Variants in ACOX2 observed in about 807,000 individuals in gnomAD.
The protein encoded by ACOX2 is peroxisomal acyl-coenzyme A oxidase 2.
In ACOX2, 59 loss-of-function variants were observed where a neutral mutation model predicts 77.5. That is an observed-to-expected ratio of 0.76 (90% CI 0.62 to 0.95). The LOEUF is 0.95. Among genes scored for constraint, ACOX2 ranks in the 40% least tolerant of loss-of-function variants. The pLI, the probability that ACOX2 is intolerant of heterozygous loss-of-function variation, is 0.00. For synonymous variants in ACOX2, 317 were observed against 340.1 expected (o/e 0.93, Z 0.75); for missense variants, 837 against 880.4 (o/e 0.95, Z 0.62).
chr3:58,535,013 CA>C lies in ACOX2; in HGVS notation c.93del (p.Phe31LeufsTer41), dbSNP rs750773651. The C allele has an allele frequency of 4.3e-6, 7 of 1,614,234 alleles. No homozygotes were observed. Among genetic ancestry groups the C allele is most frequent in the Non-Finnish European group, 5.1e-6 (6 of 1,180,038 alleles). ...AGGATGTTGGTGAGCCGTTCCACGTCAAAGGACTGCATATACCTCTCGCTCT... is the reference window on the plus strand; with the variant it reads ...AGGATGTTGGTGAGCCGTTCCACGTCAAGGACTGCATATACCTCTCGCTCT... The part of the protein sequence containing the change: ...DIESERYMQS[F>X]DVERLTNILD... On this transcript the variant is annotated frameshift_variant, in exon 2 of 15. Coordinates refer to ENST00000302819, the MANE Select transcript of ACOX2 (RefSeq NM_003500.4). LOFTEE classifies it high-confidence loss of function. This position sits in a 1 kb window ranked among gnomAD's most constrained non-coding sequence, Gnocchi z 4.8.
At chr3:58,529,839 G>A (rs4681690) in intron 8 of ACOX2, among the ~76,000 whole-genome samples, 1 of 152,046 alleles carries the variant, frequency 6.6e-6, no homozygotes, top group Non-Finnish European at 1.5e-5. Flanking sequence ...GAAGCTGAGG[G>A]ATGAAGTGAA....
chr3:58,518,133 C>G (rs1030789994), intron 12 of ACOX2, among the ~76,000 whole-genome samples: 17 of 148,482 alleles, frequency 1.1e-4, no homozygotes, highest in African/African-American at 4.2e-4. Flanking sequence ...TTGTTGTCTG[C>G]TGTGTTCAAG....
rs2063437478 is a variant in ACOX2, at chr3:58,531,303, T to G, written c.767A>C (p.Gln256Pro). 6.2e-7 allele frequency: 1 copy of G among 1,613,672 alleles called. No homozygotes were observed. Among genetic ancestry groups the G allele is most frequent in the African/African-American group, 1.3e-5 (1 of 74,916 alleles). Residue 256 changes from glutamine to proline, a missense_variant, in exon 7 of 15, where the codon CAG becomes CCG. Transcript: ENST00000302819. This position sits in a 1 kb window ranked among gnomAD's most constrained non-coding sequence, Gnocchi z 5.8. ...DFDQTDNGFL[Q>P]LNHVRVPREN... ...CCTGGGGACCCGCACATGGTTCAGC[T>G]GCAGGAAGCCATTGTCTGTTTGATC...
In ACOX2 at chr3:58,531,627, C is replaced by A; in HGVS notation, c.703+66G>T. 6.3e-7 allele frequency: 1 copy of A among 1,578,968 alleles called. No individual in the cohort carries two copies. Among genetic ancestry groups the A allele is most frequent in the South Asian group, 1.2e-5 (1 of 85,190 alleles). On this transcript the variant is annotated intron_variant, in intron 6 of 14. Transcript: ENST00000302819. This position sits in a 1 kb window ranked among gnomAD's most constrained non-coding sequence, Gnocchi z 5.8. ...CTACTCCTGTGGCCCTCTGGGGCCC[C>A]AGGTCAGGGAGGCCACCTGGGCTCT...
At position 58,520,501 on chromosome 3, in the gene ACOX2, C is replaced by T. The variant is rs139626672; in HGVS notation, c.1632+1995G>A. On this transcript the variant is annotated intron_variant, in intron 12 of 14. Coordinates refer to ENST00000302819, the MANE Select transcript of ACOX2 (RefSeq NM_003500.4). The stretch of plus-strand genomic sequence containing the variant: ...TTGTCTACAGACAGGGAAGTTAAAG[C>T]CCAGAGAGGGAAGGGGCTGCTTGAG... Among the ~76,000 whole-genome samples the T allele has an allele frequency of 5.4e-3, 818 of 152,362 alleles. 7 individuals are homozygous for T. Among genetic ancestry groups the T allele is most frequent in the African/African-American group, 0.019 (790 of 41,586 alleles).
chr3:58,510,695 TATATATATATATATACACACACAC>T lies in ACOX2; in HGVS notation c.1851-1694_1851-1671del, dbSNP rs1457662893. Reference sequence around the variant, plus strand: ...ATATATATATATATATATATATATATATATATATATATATACACACACACACACACACACACACACACACACTCA... The same window carrying T: ...ATATATATATATATATATATATATATACACACACACACACACACACACTCA... On this transcript the variant is annotated intron_variant, in intron 13 of 14. Coordinates refer to ENST00000302819, the MANE Select transcript of ACOX2 (RefSeq NM_003500.4). 5.0e-3 allele frequency among the ~76,000 whole-genome samples: 47 copies of T among 9,402 alleles called. 6 individuals are homozygous for T. The highest frequency in any genetic ancestry group is 0.04 in the East Asian group (7 of 174). 6.2% of individuals were successfully genotyped at this position (9,402 alleles called of 152,430 possible). A position where few individuals can be genotyped will look rare whatever the true frequency, so the allele number is the denominator to read the frequency against.
chr3:58,507,863 G>C (rs1020238934), intron 14 of ACOX2, among the ~76,000 whole-genome samples: 1 of 152,170 alleles, frequency 6.6e-6, no homozygotes, highest in Admixed American at 6.5e-5. Flanking sequence ...GGTATGACAG[G>C]CTGCAAATTG....
intron 14 of ACOX2, 114 bp downstream of exon 14, chr3:58,508,779 C>T (rs1397968494): frequency 1.0e-4 from 141 of 1,367,876 alleles, no homozygotes; most frequent in South Asian, 3.0e-4. Context: ...AGACGTGCTA[C>T]GCCAAGTGAT....
In ACOX2 at chr3:58,515,636, G is replaced by A. The variant is rs1379711334; in HGVS notation, c.1850+1570C>T. On this transcript the variant is annotated intron_variant, in intron 13 of 14. Transcript: ENST00000302819. The surrounding 1 kb of genome is among the most constrained non-coding windows in gnomAD (Gnocchi z 4.0). ...TATTAGTCTTGTTGATATAAGAATT[G>A]TTGGAGATTCTAGGAGTCGCCTCTA... is the stretch of plus-strand genomic sequence containing the variant. Among the ~76,000 whole-genome samples, 3 of 152,078 alleles carry A rather than the reference G, an allele frequency of 2.0e-5. No homozygotes were observed. The highest frequency in any genetic ancestry group is 4.4e-5 in the Non-Finnish European group (3 of 68,000).
In ACOX2 at chr3:58,534,991, A is replaced by T. The variant is rs767444970; in HGVS notation, c.116T>A (p.Ile39Asn). The change falls in exon 2 of 15, where the codon ATC becomes AAC. Residue 39 changes from isoleucine to asparagine, a missense_variant. Coordinates refer to ENST00000302819, the MANE Select transcript of ACOX2 (RefSeq NM_003500.4). This position sits in a 1 kb window ranked among gnomAD's most constrained non-coding sequence, Gnocchi z 4.8. The part of the protein sequence containing the change: ...QSFDVERLTN[I>N]LDGGAQNTAL... The stretch of plus-strand genomic sequence containing the variant: ...AGTGTTCTGGGCACCTCCATCAAGG[A>T]TGTTGGTGAGCCGTTCCACGTCAAA... 1.9e-6 allele frequency: 3 copies of T among 1,614,020 alleles called. No homozygotes were observed. Among genetic ancestry groups the T allele is most frequent in the Non-Finnish European group, 2.5e-6 (3 of 1,180,034 alleles).
intron 12 of ACOX2, among the ~76,000 whole-genome samples, chr3:58,518,394 C>T (rs1183304854): frequency 6.6e-6 from 1 of 152,164 alleles, no homozygotes; most frequent in African/African-American, 2.4e-5. Context: ...AGACCCCCTC[C>T]TTCTCTCCAC....
chr3:58,530,355 C>T, intron 8 of ACOX2, 111 bp downstream of exon 8: 2 of 1,426,252 alleles, frequency 1.4e-6, no homozygotes, highest in Non-Finnish European at 9.6e-7. Context: ...TGGTGGGGGG[C>T]ATTGCCTGCT....
Position 58,522,460 on chromosome 3 carries a change from A to G in ACOX2, c.1632+36T>C, listed in dbSNP as rs765699099. ...CAGGGTAGCCTGCCTGGGAAGCAAA[A>G]TGGATCCCTTTCAGCTTCAGCTGGC... On this transcript the variant is annotated intron_variant, in intron 12 of 14. Transcript: ENST00000302819. The surrounding 1 kb of genome is among the most constrained non-coding windows in gnomAD (Gnocchi z 4.3). 6.2e-7 allele frequency: 1 copy of G among 1,600,556 alleles called. No individual in the cohort carries two copies. The highest frequency in any genetic ancestry group is 8.6e-7 in the Non-Finnish European group (1 of 1,168,148).
chr3:58,505,336 T>A lies in ACOX2; in HGVS notation c.1984-50A>T, dbSNP rs961040755. ...TTAACACAGTACATTTCTGCCAGGATTAATGACTTTCACTTTCAAATTAAG... is the reference window on the plus strand; with the variant it reads ...TTAACACAGTACATTTCTGCCAGGAATAATGACTTTCACTTTCAAATTAAG... On this transcript the variant is annotated intron_variant, in intron 14 of 14. Transcript: ENST00000302819. The surrounding 1 kb of genome is among the most constrained non-coding windows in gnomAD (Gnocchi z 4.4). The A allele has an allele frequency of 2.8e-6, 4 of 1,449,316 alleles. No homozygotes were observed. Among genetic ancestry groups the A allele is most frequent in the Admixed American group, 4.1e-5 (2 of 48,668 alleles). The allele number at this position is 1,449,316 out of a possible 1,614,324, so 89.8% of individuals were successfully genotyped here. A position where few individuals can be genotyped will look rare whatever the true frequency, so the allele number is the denominator to read the frequency against.
chr3:58,512,145 C>G lies in ACOX2; in HGVS notation c.1851-3120G>C, dbSNP rs2063292533. Among the ~76,000 whole-genome samples the G allele has an allele frequency of 6.6e-6, 1 of 152,198 alleles. No individual in the cohort carries two copies. Among genetic ancestry groups the G allele is most frequent in the Non-Finnish European group, 1.5e-5 (1 of 68,034 alleles). ...TGAACCCAAACTCCTTCCCGTCCAC[C>G]CTGCCCAAACCTGGGCCTCCTGTAG... On this transcript the variant is annotated intron_variant, in intron 13 of 14. Coordinates refer to ENST00000302819, the MANE Select transcript of ACOX2 (RefSeq NM_003500.4). The surrounding 1 kb of genome is among the most constrained non-coding windows in gnomAD (Gnocchi z 4.8).
At chr3:58,510,660 A>AT (rs2063274584) in intron 13 of ACOX2, among the ~76,000 whole-genome samples, 1 of 17,192 alleles carries the variant, frequency 5.8e-5, no homozygotes, top group Non-Finnish European at 1.0e-4. Context: ...AAAAAAAAAA[A>AT]AAAATATATA....
At position 58,519,020 on chromosome 3, in the gene ACOX2, G is replaced by A. The variant is rs1316672930; in HGVS notation, c.1633-1597C>T. On this transcript the variant is annotated intron_variant, in intron 12 of 14. Coordinates refer to ENST00000302819, the MANE Select transcript of ACOX2 (RefSeq NM_003500.4). This position sits in a 1 kb window ranked among gnomAD's most constrained non-coding sequence, Gnocchi z 5.0. ...AGATTCCAGGGCAGGGCCTGAGACT[G>A]TGCATTTCTAACAAGGTCCCCTGTG... 2.6e-5 allele frequency among the ~76,000 whole-genome samples: 4 copies of A among 152,172 alleles called. No individual in the cohort carries two copies. The East Asian group carries it at 7.7e-4, about 29-fold the overall frequency.
At chr3:58,527,596 C>T (rs369458833) in intron 9 of ACOX2, among the ~76,000 whole-genome samples, 4 of 151,988 alleles carry the variant, frequency 2.6e-5, no homozygotes, top group South Asian at 2.1e-4. Context: ...AGCAAAAAGC[C>T]GTTCAGGAAG....
rs1338333970 is a variant in ACOX2 at position 58,524,200 on chromosome 3, T to C, written c.1526+226A>G. ...TCACTGGCCAGAGGTGTGATGTCCT[T>C]CTACTACTGTGACCAGGATGGGGAA... On this transcript the variant is annotated intron_variant, in intron 11 of 14. Coordinates refer to ENST00000302819, the MANE Select transcript of ACOX2 (RefSeq NM_003500.4). The surrounding 1 kb of genome is among the most constrained non-coding windows in gnomAD (Gnocchi z 5.5). 6.6e-6 allele frequency among the ~76,000 whole-genome samples: 1 copy of C among 152,232 alleles called. No homozygotes were observed. The highest frequency in any genetic ancestry group is 1.5e-5 in the Non-Finnish European group (1 of 68,042).
Sources: gnomAD v4.1 joint callset for allele counts (sites outside exome capture counted in the v4.1 genomes callset) on GRCh38, gnomAD v4.1.1 for gene constraint, Gnocchi (gnomAD v3.1) non-coding constraint, MANE v1.5 for transcripts, NCBI Gene and HGNC (gene_info 2026-07-23, HGNC 2026-07-21) for gene names.